Variants in ADD1 observed in about 807,000 individuals in gnomAD.
ADD1 encodes adducin 1.
A neutral mutation model predicts 80.5 loss-of-function variants in ADD1; 24 were observed. The observed-to-expected ratio is 0.30, with a 90% CI of 0.22 to 0.42. The LOEUF (loss-of-function observed/expected upper bound fraction) is 0.42. Ranked by LOEUF, ADD1 falls within the 10% of genes least tolerant of loss-of-function variation. ADD1 has a pLI of 1.00. For missense variants in ADD1, 948 were observed against 1,019.0 expected (o/e 0.93, Z 0.95); for synonymous variants, 373 against 393.8 (o/e 0.95, Z 0.63).
At chr4:2,898,033 A>G in intron 6 of ADD1, 151 bp from the exon 7 acceptor site, 1 of 1,056,458 alleles carries the variant, frequency 9.5e-7, no homozygotes, top group Middle Eastern at 3.2e-4. Flanking sequence ...ACTGGAAACC[A>G]AGTTTGTCTT....
intron 13 of ADD1, among the ~76,000 whole-genome samples, chr4:2,911,051 C>T (rs926389893): frequency 6.6e-6 from 1 of 152,194 alleles, no homozygotes. Flanking sequence ...CACTTCCTTT[C>T]ATGTGAACCT....
chr4:2,912,875 T>C (rs1738312729), intron 13 of ADD1, among the ~76,000 whole-genome samples: 1 of 152,100 alleles, frequency 6.6e-6, no homozygotes. Flanking sequence ...GACGGAGTCT[T>C]GCTCTGTTGC....
At chr4:2,904,497 C>T (rs1026332705) in intron 9 of ADD1, among the ~76,000 whole-genome samples, 7 of 152,206 alleles carry the variant, frequency 4.6e-5, no homozygotes, top group African/African-American at 1.7e-4. Context: ...CTTATGAAGA[C>T]ACTAGACTAT....
Position 2,894,000 on chromosome 4 carries a change from A to G in ADD1, c.511-13A>G, listed in dbSNP as rs536052987. On this transcript the variant is annotated splice_polypyrimidine_tract_variant and intron_variant, in intron 4 of 15. Coordinates refer to ENST00000683351, the MANE Select transcript of ADD1 (RefSeq NM_001354761.2). The stretch of plus-strand genomic sequence containing the variant: ...CTTGGATCTTTGAGCTAATTCAGTC[A>G]TTTTCCCCACAGACCAGAGTGAACT... 4 of 1,612,254 alleles carry G rather than the reference A, an allele frequency of 2.5e-6. No individual in the cohort carries two copies. In the African/African-American group the frequency reaches 4.0e-5, roughly 16 times the overall value.
intron 14 of ADD1, among the ~76,000 whole-genome samples, chr4:2,923,653 C>T (rs902873324): frequency 5.9e-5 from 9 of 152,368 alleles, no homozygotes; most frequent in African/African-American, 1.7e-4. Flanking sequence ...GAAGCTTCAC[C>T]GGGGAGAGAC....
chr4:2,899,725 C>T (rs372398698), intron 9 of ADD1: 5 of 438,338 alleles, frequency 1.1e-5, no homozygotes, highest in African/African-American at 8.0e-5. Flanking sequence ...GCTGTGTCAG[C>T]TCAGTCCCCA....
Position 2,881,971 on chromosome 4 carries a change from C to T in ADD1, c.269C>T (p.Ala90Val). ...KKGKNPTGLLALQQIADFMTT... is the reference protein window; with the variant it reads ...KKGKNPTGLLVLQQIADFMTT... Reference sequence around the variant, plus strand: ...GGGAAGAACCCCACAGGCCTATTGGCATTACAGCAGATTGCAGATTTTATG... The same window carrying T: ...GGGAAGAACCCCACAGGCCTATTGGTATTACAGCAGATTGCAGATTTTATG... Residue 90 changes from alanine to valine, a missense_variant, in exon 3 of 16, where the codon GCA (alanine) becomes GTA (valine). Physicochemically the swap from Ala to Val is moderately conservative, Grantham distance 64. Transcript: ENST00000683351. 1.2e-6 allele frequency: 2 copies of T among 1,613,366 alleles called. No individual in the cohort carries two copies. The highest frequency in any genetic ancestry group is 1.7e-6 in the Non-Finnish European group (2 of 1,179,794).
At chr4:2,918,991 C>T (rs1249760132) in intron 14 of ADD1, among the ~76,000 whole-genome samples, 3 of 152,030 alleles carry the variant, frequency 2.0e-5, no homozygotes, top group African/African-American at 7.3e-5. Context: ...CAGACACACG[C>T]CACCACACCC....
At position 2,928,344 on chromosome 4, in the gene ADD1, C is replaced by A; in HGVS notation, c.2221C>A (p.Pro741Thr). The change falls in exon 16 of 16, where the codon CCC becomes ACC. Residue 741 changes from proline to threonine, a missense_variant. Pro to Thr is a conservative substitution (Grantham distance 38). Coordinates refer to ENST00000683351, the MANE Select transcript of ADD1 (RefSeq NM_001354761.2). The stretch of plus-strand genomic sequence containing the variant: ...CACTGAGGCCCCTACTGAGGCCAGC[C>A]CCGAGCCAGCCCCAGACCCAGCCCC... ...SPTEAPTEASPEPAPDPAPVA... is the reference protein window; with the variant it reads ...SPTEAPTEASTEPAPDPAPVA... The A allele has an allele frequency of 6.2e-7, 1 of 1,613,814 alleles. No homozygotes were observed.
In ADD1 at chr4:2,856,802, G is replaced by T. The variant is rs566102087; in HGVS notation, c.-21+12778G>T. ...GATGGGGTTTCACCACGTTGGCCAGGCTGGTCTCAAACTCCTGACCTCAGG... is the reference window on the plus strand; with the variant it reads ...GATGGGGTTTCACCACGTTGGCCAGTCTGGTCTCAAACTCCTGACCTCAGG... On this transcript the variant is annotated intron_variant, in intron 1 of 15. Coordinates refer to ENST00000683351, the MANE Select transcript of ADD1 (RefSeq NM_001354761.2). 6.6e-5 allele frequency among the ~76,000 whole-genome samples: 10 copies of T among 152,090 alleles called. No homozygotes were observed. In the South Asian group the frequency reaches 1.5e-3, roughly 22 times the overall value.
At chr4:2,880,374 A>C (rs1241562838) in intron 2 of ADD1, among the ~76,000 whole-genome samples, 1 of 151,972 alleles carries the variant, frequency 6.6e-6, no homozygotes, top group Non-Finnish European at 1.5e-5. Context: ...ACAAACTAGA[A>C]GTAAATTTGA....
At chr4:2,928,133 C>T (rs1712211702) in intron 15 of ADD1, 38 bp from the exon 16 acceptor site, 3 of 1,581,902 alleles carry the variant, frequency 1.9e-6, no homozygotes, top group South Asian at 1.1e-5. Context: ...GAGATCTGGG[C>T]AGGAACCCTT....
chr4:2,887,002 T>A (rs952474445), intron 4 of ADD1, among the ~76,000 whole-genome samples: 4 of 152,266 alleles, frequency 2.6e-5, no homozygotes, highest in Non-Finnish European at 5.9e-5. Context: ...TTTTGAATGC[T>A]GATTAAATAA....
rs139804863 is a variant in ADD1, at chr4:2,928,213, C to T, written c.2090C>T (p.Ala697Val). 1.7e-4 allele frequency: 279 copies of T among 1,614,008 alleles called. No individual in the cohort carries two copies. Among genetic ancestry groups the T allele is most frequent in the Non-Finnish European group, 2.3e-4 (271 of 1,180,048 alleles). ...ACTACTGGAGATGACAGTGATGCTG[C>T]CACCTTTAAGCCAACTCTCCCCGAT... Reference protein sequence around the residue: ...EPTTGDDSDAATFKPTLPDLS... With the variant: ...EPTTGDDSDAVTFKPTLPDLS... Residue 697 changes from alanine to valine, a missense_variant, in exon 16 of 16, where the codon GCC (alanine) becomes GTC (valine). Physicochemically the swap from Ala to Val is moderately conservative, Grantham distance 64. Coordinates refer to ENST00000683351, the MANE Select transcript of ADD1 (RefSeq NM_001354761.2).
intron 10 of ADD1, chr4:2,907,322 G>A: frequency 5.9e-6 from 1 of 169,680 alleles, no homozygotes; most frequent in South Asian, 1.4e-4. Context: ...CCTAACCCTG[G>A]GTAGCAGCAT....
At chr4:2,856,280 T>C (rs753933688) in intron 1 of ADD1, among the ~76,000 whole-genome samples, 5 of 152,192 alleles carry the variant, frequency 3.3e-5, no homozygotes, top group Non-Finnish European at 7.3e-5. Context: ...GTTATCCTAC[T>C]GCTCTCTACT....
At chr4:2,852,207 C>CTTTCTTTCTTTTCTTTCCTTTCCTTT in intron 1 of ADD1, among the ~76,000 whole-genome samples, 1 of 66,140 alleles carries the variant, frequency 1.5e-5, no homozygotes, top group African/African-American at 6.0e-5. Context: ...TCCTTTCTTT[C>CTTTCTTTCTTTTCTTTCCTTTCCTTT]CTTTCCTTTC....
At chr4:2,862,220 G>A (rs1054592583) in intron 1 of ADD1, among the ~76,000 whole-genome samples, 6 of 152,198 alleles carry the variant, frequency 3.9e-5, no homozygotes, top group South Asian at 2.1e-4. Flanking sequence ...CTGAAAGTGG[G>A]AGCAGCTGTG....
At chr4:2,852,046 G>C (rs985075135) in intron 1 of ADD1, among the ~76,000 whole-genome samples, 1 of 151,980 alleles carries the variant, frequency 6.6e-6, no homozygotes, top group Non-Finnish European at 1.5e-5. Context: ...CCCATGTTGA[G>C]GCTGGTCTCG....
Sources: allele counts gnomAD v4.1 joint callset (sites outside exome capture counted in the v4.1 genomes callset), GRCh38; gene constraint gnomAD v4.1.1; transcripts MANE v1.5; gene names NCBI Gene and HGNC (gene_info 2026-07-23, HGNC 2026-07-21).